Variants in ZBTB7A observed in about 807,000 individuals in gnomAD.
The protein encoded by ZBTB7A is zinc finger and BTB domain-containing protein 7A.
In ZBTB7A, 7 loss-of-function variants were observed where a neutral mutation model predicts 26.7. The observed-to-expected ratio is 0.26, with a 90% CI of 0.15 to 0.49. The LOEUF (loss-of-function observed/expected upper bound fraction) is 0.49. ZBTB7A is among the 20% of genes least tolerant of loss of function. The probability of loss-of-function intolerance (pLI) is 0.98; values close to 1 mark genes in which losing one functional copy is unlikely to be tolerated. For synonymous variants in ZBTB7A, 452 were observed against 441.0 expected (o/e 1.02, Z -0.31); for missense variants, 617 against 919.5 (o/e 0.67, Z 4.25).
chr19:4,063,957 G>A (rs2040664880), intron 1 of ZBTB7A, among the ~76,000 whole-genome samples: 1 of 152,194 alleles, frequency 6.6e-6, no homozygotes, highest in Admixed American at 6.5e-5. Context: ...TCTGCCACCA[G>A]GTGGACCCAG....
At chr19:4,049,212 A>ATATATATATATATATATATAG (rs1396362012) in intron 2 of ZBTB7A, among the ~76,000 whole-genome samples, 1 of 23,298 alleles carries the variant, frequency 4.3e-5, no homozygotes, top group Non-Finnish European at 1.8e-4. Context: ...ATATATATGT[A>ATATATATATATATATATATAG]AGTTTGAGAG....
intron 2 of ZBTB7A, among the ~76,000 whole-genome samples, chr19:4,053,751 C>T (rs547036246): frequency 1.6e-4 from 24 of 149,474 alleles, no homozygotes; most frequent in Non-Finnish European, 3.0e-4. Flanking sequence ...TGTGCATGTG[C>T]GTATATATGT....
intron 1 of ZBTB7A, among the ~76,000 whole-genome samples, chr19:4,065,041 CG>C (rs898027839): frequency 4.6e-5 from 7 of 151,414 alleles, no homozygotes; most frequent in Non-Finnish European, 8.9e-5. Context: ...GCTCCCAGGC[CG>C]GGGGGGCTGG....
chr19:4,052,600 G>A lies in ZBTB7A; in HGVS notation c.1262+1371C>T, dbSNP rs1016345168. On this transcript the variant is annotated intron_variant, in intron 2 of 2. Transcript: ENST00000322357. This position sits in a 1 kb window ranked among gnomAD's most constrained non-coding sequence, Gnocchi z 4.9. ...CTCTTTCTTCAGCCTCGGTGGGCGTGGCTGGGGGAACCCCAGGGCGGGCGG... is the reference window on the plus strand; with the variant it reads ...CTCTTTCTTCAGCCTCGGTGGGCGTAGCTGGGGGAACCCCAGGGCGGGCGG... 3.5e-4 allele frequency among the ~76,000 whole-genome samples: 53 copies of A among 152,076 alleles called. No individual in the cohort carries two copies. The highest frequency in any genetic ancestry group is 1.3e-3 in the African/African-American group (52 of 41,486).
At position 4,044,347 on chromosome 19, in the gene ZBTB7A, A is replaced by G. The variant is rs1333409058; in HGVS notation, c.*3405T>C. 2 of 150,454 alleles carry G rather than the reference A, an allele frequency of 1.3e-5. No individual in the cohort carries two copies. Among genetic ancestry groups the G allele is most frequent in the African/African-American group, 4.9e-5 (2 of 40,454 alleles). The allele number at this position is 150,454 out of a possible 1,614,324, so 9.3% of individuals were successfully genotyped here. ...TCCGGCATTTTACATTCACTGGTTT[A>G]TAATTTTTTTTTTTCATTTTTAAAA... is the stretch of plus-strand genomic sequence containing the variant. On this transcript the variant is annotated 3_prime_UTR_variant, in exon 3 of 3. Coordinates refer to ENST00000322357, the MANE Select transcript of ZBTB7A (RefSeq NM_015898.4).
At position 4,045,619 on chromosome 19, in the gene ZBTB7A, G is replaced by T; in HGVS notation, c.*2133C>A. 3.0e-6 allele frequency: 1 copy of T among 337,098 alleles called. No individual in the cohort carries two copies. Among genetic ancestry groups the T allele is most frequent in the Non-Finnish European group, 5.3e-6 (1 of 187,460 alleles). 20.9% of individuals were successfully genotyped at this position (337,098 alleles called of 1,614,324 possible). A position where few individuals can be genotyped will look rare whatever the true frequency, so the allele number is the denominator to read the frequency against. ...TGTGTGTCACAGAGAAGGGGGTATG[G>T]GGGGGTCGGGGGCAGGGAGACACCC... is the stretch of plus-strand genomic sequence containing the variant. On this transcript the variant is annotated 3_prime_UTR_variant, in exon 3 of 3. Coordinates refer to ENST00000322357, the MANE Select transcript of ZBTB7A (RefSeq NM_015898.4). This position sits in a 1 kb window ranked among gnomAD's most constrained non-coding sequence, Gnocchi z 4.1.
At chr19:4,060,127 G>A (rs1344655482) in intron 1 of ZBTB7A, among the ~76,000 whole-genome samples, 1 of 150,216 alleles carries the variant, frequency 6.7e-6, no homozygotes, top group East Asian at 1.9e-4. Flanking sequence ...TGCTGACTCG[G>A]CGGCCGAGGG....
intron 2 of ZBTB7A, among the ~76,000 whole-genome samples, chr19:4,049,211 T>TAA (rs1555692331): frequency 2.3e-5 from 1 of 43,168 alleles, no homozygotes; most frequent in Non-Finnish European, 5.6e-5. Context: ...TATATATATG[T>TAA]AAGTTTGAGA....
intron 1 of ZBTB7A, among the ~76,000 whole-genome samples, chr19:4,060,658 C>A (rs142223326): frequency 6.6e-6 from 1 of 152,206 alleles, no homozygotes; most frequent in African/African-American, 2.4e-5. Context: ...CACCCCAGCA[C>A]GGGGAGCATC....
At chr19:4,062,847 C>T (rs943180048) in intron 1 of ZBTB7A, 2 of 152,318 alleles carry the variant, frequency 1.3e-5, no homozygotes, top group African/African-American at 2.4e-5. Flanking sequence ...GCTCAACAAG[C>T]ATTCCCAATG....
intron 1 of ZBTB7A, among the ~76,000 whole-genome samples, chr19:4,062,455 G>A (rs1375712788): frequency 6.6e-6 from 1 of 152,232 alleles, no homozygotes; most frequent in Non-Finnish European, 1.5e-5. Flanking sequence ...CTGGAAGGCA[G>A]GATCTGTGTC....
intron 2 of ZBTB7A, among the ~76,000 whole-genome samples, chr19:4,053,353 G>C (rs73534136): frequency 0.095 from 14,400 of 152,258 alleles, 2,264 homozygotes; most frequent in African/African-American, 0.33. Flanking sequence ...CCAAGAGGTG[G>C]GGTGTGTCTG....
Position 4,054,693 on chromosome 19 carries a change from A to AGCGGCG in ZBTB7A, c.534_539dup (p.Ala180_Ala181dup). On this transcript the variant is annotated inframe_insertion, in exon 2 of 3. Transcript: ENST00000322357. ...CAAAGGCGGACCACGGGAAGCTGGC[A>AGCGGCG]GCGGCGGCGGCGGCCGCGGGGGGCA... The AGCGGCG allele has an allele frequency of 1.9e-6, 3 of 1,588,270 alleles. No homozygotes were observed. The highest frequency in any genetic ancestry group is 2.6e-6 in the Non-Finnish European group (3 of 1,167,748).
chr19:4,062,432 G>A (rs553541205), intron 1 of ZBTB7A, among the ~76,000 whole-genome samples: 4 of 152,310 alleles, frequency 2.6e-5, no homozygotes, highest in East Asian at 3.9e-4. Flanking sequence ...GGTACGTGAC[G>A]GCACCCACAG....
In ZBTB7A at chr19:4,052,991, G is replaced by T. The variant is rs1391076349; in HGVS notation, c.1262+980C>A. 6.6e-6 allele frequency among the ~76,000 whole-genome samples: 1 copy of T among 152,164 alleles called. No homozygotes were observed. Among genetic ancestry groups the T allele is most frequent in the Admixed American group, 6.6e-5 (1 of 15,262 alleles). On this transcript the variant is annotated intron_variant, in intron 2 of 2. Transcript: ENST00000322357. This position sits in a 1 kb window ranked among gnomAD's most constrained non-coding sequence, Gnocchi z 4.9. ...CACCAGCAGACGCTTCATAAATGTT[G>T]GCTGATTGAAGCAAATGACCCAGGC...
At position 4,046,573 on chromosome 19, in the gene ZBTB7A, C is replaced by CT. The variant is rs576718878; in HGVS notation, c.*1178dup. 7,469 of 139,580 alleles carry CT rather than the reference C, an allele frequency of 0.054. 652 individuals carry two copies. The highest frequency in any genetic ancestry group is 0.18 in the African/African-American group (6,955 of 37,658). The allele number at this position is 139,580 out of a possible 1,614,324, so 8.6% of individuals were successfully genotyped here. A position where few individuals can be genotyped will look rare whatever the true frequency, so the allele number is the denominator to read the frequency against. ...CAAGACTTCTAATGTGGTTGGTTGCCTTTTTTTTTTTCCTTCCTTTCATTT... is the reference window on the plus strand; with the variant it reads ...CAAGACTTCTAATGTGGTTGGTTGCCTTTTTTTTTTTTCCTTCCTTTCATTT... On this transcript the variant is annotated 3_prime_UTR_variant, in exon 3 of 3. Coordinates refer to ENST00000322357, the MANE Select transcript of ZBTB7A (RefSeq NM_015898.4).
chr19:4,060,274 A>G (rs1207390145), intron 1 of ZBTB7A, among the ~76,000 whole-genome samples: 1 of 151,784 alleles, frequency 6.6e-6, no homozygotes, highest in Non-Finnish European at 1.5e-5. Flanking sequence ...AACCAGAGAC[A>G]GCCCACGCCC....
At position 4,054,397 on chromosome 19, in the gene ZBTB7A, T is replaced by A; in HGVS notation, c.836A>T (p.Glu279Val). The change falls in exon 2 of 3, where the codon GAG becomes GTG. Residue 279 changes from glutamate (E) to valine (V), a missense_variant. By Grantham distance (121) the Glu-to-Val change is moderately radical (BLOSUM62 -2). This residue lies in a region of ZBTB7A where 331 missense variants were observed against 391.3 expected (regional missense o/e 0.85). Transcript: ENST00000322357. ...NGHYGRGGEE[E>V]AASLSEAAPE... ...GGCCGCCTCCGACAGCGAGGCGGCC[T>A]CCTCCTCTCCGCCGCGGCCGTAGTG... 2.1e-6 allele frequency: 3 copies of A among 1,401,570 alleles called. No individual in the cohort carries two copies. Among genetic ancestry groups the A allele is most frequent in the Non-Finnish European group, 2.8e-6 (3 of 1,090,420 alleles). 86.8% of individuals were successfully genotyped at this position (1,401,570 alleles called of 1,614,324 possible). A position where few individuals can be genotyped will look rare whatever the true frequency, so the allele number is the denominator to read the frequency against.
Position 4,049,206 on chromosome 19 carries a change from ATATGT to A in ZBTB7A, c.1263-967_1263-963del, listed in dbSNP as rs1303535471. Among the ~76,000 whole-genome samples, 287 of 46,454 alleles carry A rather than the reference ATATGT, an allele frequency of 6.2e-3. 40 individuals carry two copies. The highest frequency in any genetic ancestry group is 0.06 in the East Asian group (14 of 232). 30.5% of individuals were successfully genotyped at this position (46,454 alleles called of 152,430 possible). On this transcript the variant is annotated intron_variant, in intron 2 of 2. Transcript: ENST00000322357. ...TATATATATATATATATATATATAT[ATATGT>A]AAGTTTGAGAGATGGGGGTTGAGCT...
Sources: allele counts gnomAD v4.1 joint callset (sites outside exome capture counted in the v4.1 genomes callset), GRCh38; gene constraint gnomAD v4.1.1; regional missense constraint gnomAD v4.1.1; non-coding constraint Gnocchi (gnomAD v3.1); transcripts MANE v1.5; gene names NCBI Gene and HGNC (gene_info 2026-07-23, HGNC 2026-07-21).